Variants in RABGAP1L observed in about 807,000 individuals in gnomAD.
RABGAP1L encodes the protein RAB GTPase activating protein 1 like.
RABGAP1L carries 63 observed loss-of-function variants against 137.7 expected under a neutral mutation model. That is an observed-to-expected ratio of 0.46 (90% CI 0.37 to 0.56). The LOEUF (loss-of-function observed/expected upper bound fraction) is 0.56, where lower values mean the gene tolerates loss of function less well. Among genes scored for constraint, RABGAP1L ranks in the 20% least tolerant of loss-of-function variants. The probability of loss-of-function intolerance (pLI) is 0.00; values close to 1 mark genes in which losing one functional copy is unlikely to be tolerated. For missense variants in RABGAP1L, 1,095 were observed against 1,244.0 expected, an observed-to-expected ratio of 0.88 and a Z score of 1.80; for synonymous variants, 431 against 433.7, an observed-to-expected ratio of 0.99 and a Z score of 0.08.
At chr1:174,511,840 A>T (rs1026405486) in intron 13 of RABGAP1L, among the ~76,000 whole-genome samples, 1 of 152,046 alleles carries the variant, frequency 6.6e-6, no homozygotes, top group African/African-American at 2.4e-5. Context: ...GCTGGTCACG[A>T]ACTCCTGACC....
intron 18 of RABGAP1L, among the ~76,000 whole-genome samples, chr1:174,758,491 T>C (rs1481164445): frequency 6.6e-6 from 1 of 152,214 alleles, no homozygotes; most frequent in African/African-American, 2.4e-5. Context: ...TTTTCTACTT[T>C]GTATGCTTTT....
At chr1:174,877,601 C>T (rs1004959146) in intron 19 of RABGAP1L, 5 of 1,612,870 alleles carry the variant, frequency 3.1e-6, no homozygotes, top group Non-Finnish European at 4.2e-6. Context: ...AAGCCCAGGT[C>T]TATGGTAGGT....
At chr1:174,449,337 CTTTTT>C in intron 13 of RABGAP1L, 4 of 675,772 alleles carry the variant, frequency 5.9e-6, no homozygotes, top group Non-Finnish European at 9.6e-6. Flanking sequence ...AGGTTTCTCT[CTTTTT>C]TTTTCTTTTT....
chr1:174,621,804 A>G (rs12064749), intron 13 of RABGAP1L, among the ~76,000 whole-genome samples: 55,809 of 152,074 alleles, frequency 0.37, 13,500 homozygotes, highest in African/African-American at 0.69. Flanking sequence ...CAAGGACTTC[A>G]TGTCTAAAAC....
chr1:174,854,256 T>C (rs1648874516), intron 19 of RABGAP1L, among the ~76,000 whole-genome samples: 1 of 152,226 alleles, frequency 6.6e-6, no homozygotes, highest in African/African-American at 2.4e-5. Flanking sequence ...CTCATGTTTT[T>C]GTTTTTATTT....
intron 11 of RABGAP1L, among the ~76,000 whole-genome samples, chr1:174,316,518 A>G (rs577932322): frequency 6.6e-6 from 1 of 152,290 alleles, no homozygotes; most frequent in Non-Finnish European, 1.5e-5. Context: ...GGTCTTGGAT[A>G]AGATCTGGGA....
intron 18 of RABGAP1L, among the ~76,000 whole-genome samples, chr1:174,792,798 T>TA (rs1448338740): frequency 6.6e-6 from 1 of 152,168 alleles, no homozygotes; most frequent in Admixed American, 6.5e-5. Context: ...TGTCCAGTAA[T>TA]AAGATAAGCA....
intron 11 of RABGAP1L, among the ~76,000 whole-genome samples, chr1:174,359,714 C>G (rs1683967115): frequency 6.6e-6 from 1 of 152,190 alleles, no homozygotes; most frequent in Admixed American, 6.5e-5. Flanking sequence ...GATTCAAACA[C>G]AGGTTGAATT....
intron 14 of RABGAP1L, among the ~76,000 whole-genome samples, chr1:174,675,245 C>T (rs1677523685): frequency 6.6e-6 from 1 of 151,636 alleles, no homozygotes. Flanking sequence ...GTCTTTAATC[C>T]ATCTTGAATT....
At chr1:174,162,425 G>A (rs527342921) in intron 1 of RABGAP1L, among the ~76,000 whole-genome samples, 10 of 152,294 alleles carry the variant, frequency 6.6e-5, no homozygotes, top group African/African-American at 2.4e-4. Context: ...GTAAAAATAT[G>A]TGTGGGAGAT....
intron 17 of RABGAP1L, among the ~76,000 whole-genome samples, chr1:174,718,353 A>C (rs1480730814): frequency 6.6e-6 from 1 of 152,226 alleles, no homozygotes; most frequent in Non-Finnish European, 1.5e-5. Flanking sequence ...CAGAATGCTC[A>C]TCTGTTGGCA....
At chr1:174,724,077 T>C (rs1681796002) in intron 17 of RABGAP1L, among the ~76,000 whole-genome samples, 1 of 152,268 alleles carries the variant, frequency 6.6e-6, no homozygotes, top group Non-Finnish European at 1.5e-5. Context: ...TTATCTTTTG[T>C]ATTAAGTATG....
At chr1:174,647,899 A>G (rs1001213234) in intron 14 of RABGAP1L, among the ~76,000 whole-genome samples, 1 of 152,098 alleles carries the variant, frequency 6.6e-6, no homozygotes, top group African/African-American at 2.4e-5. Context: ...TTATTGGTCT[A>G]TTCAGGGACT....
chr1:174,696,190 C>G (rs1679244025), intron 15 of RABGAP1L, among the ~76,000 whole-genome samples: 1 of 152,032 alleles, frequency 6.6e-6, no homozygotes, highest in Non-Finnish European at 1.5e-5. Context: ...AAATGCTTTT[C>G]AGGAGCTAGG....
At chr1:174,490,080 C>T (rs190302653) in intron 13 of RABGAP1L, among the ~76,000 whole-genome samples, 1 of 152,122 alleles carries the variant, frequency 6.6e-6, no homozygotes, top group East Asian at 1.9e-4. Context: ...CAAGAGTGGT[C>T]CCTGGTGCCC....
intron 13 of RABGAP1L, among the ~76,000 whole-genome samples, chr1:174,601,046 G>C (rs1039563401): frequency 8.5e-5 from 13 of 152,192 alleles, no homozygotes; most frequent in African/African-American, 2.9e-4. Context: ...CTCAATTCTT[G>C]ACTTTGGTGC....
chr1:174,511,203 C>CA (rs1558296312), intron 13 of RABGAP1L, among the ~76,000 whole-genome samples: 1 of 152,142 alleles, frequency 6.6e-6, no homozygotes, highest in Non-Finnish European at 1.5e-5. Flanking sequence ...ATTTTAAAAA[C>CA]AAAGTCAAGA....
chr1:174,541,567 G>A (rs959844062), intron 13 of RABGAP1L, among the ~76,000 whole-genome samples: 1 of 152,170 alleles, frequency 6.6e-6, no homozygotes, highest in Non-Finnish European at 1.5e-5. Flanking sequence ...ACGAGGTCAG[G>A]AGATCGAGAC....
chr1:174,881,739 A>G (rs934903021), intron 19 of RABGAP1L, among the ~76,000 whole-genome samples: 3 of 151,430 alleles, frequency 2.0e-5, no homozygotes, highest in African/African-American at 7.3e-5. Flanking sequence ...ACCTCAAGTG[A>G]CCCGCCCGCC....
Sources: gnomAD v4.1 joint callset for allele counts (sites outside exome capture counted in the v4.1 genomes callset) on GRCh38, gnomAD v4.1.1 for gene constraint, MANE v1.5 for transcripts, NCBI Gene and HGNC (gene_info 2026-07-23, HGNC 2026-07-21) for gene names.